KHDRBS2: variants seen among roughly 807,000 people sequenced by gnomAD.
The protein encoded by KHDRBS2 is KH RNA binding domain containing, signal transduction associated 2.
KHDRBS2 carries 26 observed loss-of-function variants against 44.3 expected under a neutral mutation model. The observed-to-expected ratio is 0.59, with a 90% CI of 0.43 to 0.81. The LOEUF (loss-of-function observed/expected upper bound fraction) is 0.81, where lower values mean the gene tolerates loss of function less well. KHDRBS2 is among the 40% of genes least tolerant of loss of function. The pLI, the probability that KHDRBS2 is intolerant of heterozygous loss-of-function variation, is 0.00. For missense variants in KHDRBS2, 476 were observed against 433.1 expected (o/e 1.10, Z -0.88); for synonymous variants, 194 against 151.1 (o/e 1.28, Z -2.08).
the KHDRBS2 span, among the ~76,000 whole-genome samples, chr6:61,672,678 C>T: frequency 3.3e-5 from 5 of 151,996 alleles, no homozygotes. Flanking sequence ...CCTTTGCCCA[C>T]TTTTTGATGG....
At chr6:61,772,414 G>T (rs1781088466) in intron 6 of KHDRBS2, among the ~76,000 whole-genome samples, 1 of 152,110 alleles carries the variant, frequency 6.6e-6, no homozygotes, top group African/African-American at 2.4e-5. Flanking sequence ...AAAATTGATA[G>T]ACCGCTAGCA....
chr6:62,003,584 A>G (rs1264257392), intron 3 of KHDRBS2, among the ~76,000 whole-genome samples: 1 of 152,138 alleles, frequency 6.6e-6, no homozygotes, highest in Non-Finnish European at 1.5e-5. Flanking sequence ...TTAAAACTCC[A>G]CTGTCAATAT....
At position 62,095,312 on chromosome 6, in the gene KHDRBS2, A is replaced by G. The variant is rs116621627; in HGVS notation, c.220-47318T>C. 3.6e-3 allele frequency among the ~76,000 whole-genome samples: 551 copies of G among 152,028 alleles called. 1 individual carries two copies. Among genetic ancestry groups the G allele is most frequent in the African/African-American group, 0.013 (532 of 41,550 alleles). On this transcript the variant is annotated intron_variant, in intron 2 of 8. Coordinates refer to ENST00000281156, the MANE Select transcript of KHDRBS2 (RefSeq NM_152688.4). ...AAGATATATAATGAAATTCTCATCAATGAAAGACTGCACATACAAAGGTGG... is the reference window on the plus strand; with the variant it reads ...AAGATATATAATGAAATTCTCATCAGTGAAAGACTGCACATACAAAGGTGG...
At chr6:61,697,383 C>A (rs1261837280) in intron 7 of KHDRBS2, 130 bp from the exon 8 acceptor site, 26 of 649,188 alleles carry the variant, frequency 4.0e-5, no homozygotes, top group Middle Eastern at 2.5e-4. Flanking sequence ...AAAACACAAT[C>A]CTAAATAAAT....
chr6:61,946,775 T>G (rs948290765), intron 4 of KHDRBS2, among the ~76,000 whole-genome samples: 3 of 152,146 alleles, frequency 2.0e-5, no homozygotes, highest in African/African-American at 7.2e-5. Context: ...ATGTAGCTAC[T>G]GCCAAGGATG....
intron 3 of KHDRBS2, among the ~76,000 whole-genome samples, chr6:62,043,600 C>T (rs139295914): frequency 5.5e-4 from 84 of 152,078 alleles, no homozygotes; most frequent in African/African-American, 2.0e-3. Context: ...TAGGATTTTG[C>T]TACTGGTATT....
At chr6:62,095,194 C>A (rs1800320717) in intron 2 of KHDRBS2, among the ~76,000 whole-genome samples, 1 of 151,694 alleles carries the variant, frequency 6.6e-6, no homozygotes, top group African/African-American at 2.4e-5. Context: ...CAATCCCTTT[C>A]ACAATAGCTA....
chr6:62,021,837 CTAAT>C (rs1197684704), intron 3 of KHDRBS2, among the ~76,000 whole-genome samples: 2 of 150,978 alleles, frequency 1.3e-5, no homozygotes, highest in African/African-American at 4.9e-5. Context: ...ACTTTAGAGA[CTAAT>C]TAATTGTAAG....
chr6:62,021,182 T>C (rs1030394841), intron 3 of KHDRBS2, among the ~76,000 whole-genome samples: 1 of 151,826 alleles, frequency 6.6e-6, no homozygotes, highest in Non-Finnish European at 1.5e-5. Flanking sequence ...ATACCACATA[T>C]TCCCACTTAG....
At chr6:61,704,638 G>C (rs1186908265) in intron 7 of KHDRBS2, among the ~76,000 whole-genome samples, 1 of 151,834 alleles carries the variant, frequency 6.6e-6, no homozygotes, top group African/African-American at 2.4e-5. Context: ...AGCCATTGAA[G>C]ACAATGAAGG....
intron 2 of KHDRBS2, among the ~76,000 whole-genome samples, chr6:62,167,835 T>G (rs1198323868): frequency 6.6e-6 from 1 of 152,194 alleles, no homozygotes; most frequent in Non-Finnish European, 1.5e-5. Context: ...ATATTTGGCT[T>G]TGAGTCGTAG....
chr6:61,947,455 C>A (rs1185079930), intron 4 of KHDRBS2, among the ~76,000 whole-genome samples: 1 of 151,982 alleles, frequency 6.6e-6, no homozygotes, highest in Non-Finnish European at 1.5e-5. Context: ...GGATTAAGTT[C>A]TGTAGTATGA....
At chr6:61,551,003 G>A in the KHDRBS2 span, among the ~76,000 whole-genome samples, 1 of 151,998 alleles carries the variant, frequency 6.6e-6, no homozygotes, top group Middle Eastern at 3.4e-3. Flanking sequence ...GGAACTTCTG[G>A]CCTCGAGTGA....
intron 6 of KHDRBS2, among the ~76,000 whole-genome samples, chr6:61,761,205 C>T (rs1260900420): frequency 6.6e-6 from 1 of 152,140 alleles, no homozygotes; most frequent in Middle Eastern, 3.2e-3. Flanking sequence ...TGATGCAAAT[C>T]AGGATGCAGA....
At chr6:62,117,020 A>G (rs1361212329) in intron 2 of KHDRBS2, among the ~76,000 whole-genome samples, 1 of 152,170 alleles carries the variant, frequency 6.6e-6, no homozygotes, top group African/African-American at 2.4e-5. Flanking sequence ...AAGTCAACCA[A>G]TTACATATCT....
intron 4 of KHDRBS2, among the ~76,000 whole-genome samples, chr6:61,912,254 G>C (rs1054781778): frequency 1.3e-5 from 2 of 152,146 alleles, no homozygotes; most frequent in African/African-American, 4.8e-5. Context: ...TCAAAAAGAT[G>C]TGTCAAAATA....
At chr6:61,981,895 G>A (rs1455814636) in intron 3 of KHDRBS2, among the ~76,000 whole-genome samples, 1 of 152,096 alleles carries the variant, frequency 6.6e-6, no homozygotes, top group African/African-American at 2.4e-5. Context: ...AAGTTCCTAG[G>A]AATTGGTCAA....
At chr6:61,573,543 A>C in the KHDRBS2 span, among the ~76,000 whole-genome samples, 2 of 152,216 alleles carry the variant, frequency 1.3e-5, no homozygotes, top group Non-Finnish European at 2.9e-5. Context: ...TAATCCCAAC[A>C]CTTTTGGAGG....
chr6:61,692,882 C>T (rs1367573065), intron 8 of KHDRBS2, among the ~76,000 whole-genome samples: 2 of 151,948 alleles, frequency 1.3e-5, no homozygotes, highest in Non-Finnish European at 2.9e-5. Context: ...CTCTGAGACT[C>T]CTCACATAAC....
Sources: allele counts gnomAD v4.1 joint callset (sites outside exome capture counted in the v4.1 genomes callset), GRCh38; gene constraint gnomAD v4.1.1; transcripts MANE v1.5; gene names NCBI Gene and HGNC (gene_info 2026-07-23, HGNC 2026-07-21).